ALDH1L1: variants seen among roughly 807,000 people sequenced by gnomAD.
The protein encoded by ALDH1L1 is aldehyde dehydrogenase 1 family member L1.
ALDH1L1 carries 68 observed loss-of-function variants against 101.1 expected under a neutral mutation model. That is an observed-to-expected ratio of 0.67 (90% CI 0.55 to 0.82). The LOEUF is 0.82. Ranked by LOEUF, ALDH1L1 falls within the 40% of genes least tolerant of loss-of-function variation. ALDH1L1 has a pLI of 0.00. For synonymous variants in ALDH1L1, 486 were observed against 470.8 expected, an observed-to-expected ratio of 1.03 and a Z score of -0.42; for missense variants, 1,087 against 1,172.7, an observed-to-expected ratio of 0.93 and a Z score of 1.07.
intron 17 of ALDH1L1, 80 bp from the exon 18 acceptor site, chr3:126,114,736 G>C: frequency 7.5e-7 from 1 of 1,333,480 alleles, no homozygotes. Flanking sequence ...CAGGGACCTG[G>C]GTAGGCCCAA....
intron 14 of ALDH1L1, 29 bp from the exon 15 acceptor site, chr3:126,125,750 CCTT>C (rs1288407690): frequency 8.8e-6 from 13 of 1,470,626 alleles, no homozygotes; most frequent in Admixed American, 6.3e-5. Context: ...TGGCCTTTGT[CCTT>C]CTTCTCCACC....
At position 126,157,411 on chromosome 3, in the gene ALDH1L1, C is replaced by T; in HGVS notation, c.460G>A (p.Val154Met). ...GDLLLQKECE[V>M]LPDDTVSTLY... ...GTGCTCACGGTGTCGTCCGGGAGCA[C>T]CTCACACTCCTTCTGCAGCAGCAGG... The change falls in exon 4 of 23, where the codon GTG becomes ATG. Residue 154 changes from valine (V) to methionine (M), a missense_variant. By Grantham distance (21) the Val-to-Met change is conservative. Transcript: ENST00000393434. 2 of 1,614,082 alleles carry T rather than the reference C, an allele frequency of 1.2e-6. No homozygotes were observed. The highest frequency in any genetic ancestry group is 1.7e-6 in the Non-Finnish European group (2 of 1,180,014).
At chr3:126,185,995 G>C (rs1395487700), upstream of ALDH1L1, among the ~76,000 whole-genome samples, 1 of 152,066 alleles carries the variant, frequency 6.6e-6, no homozygotes, top group East Asian at 1.9e-4. Context: ...TGTTCATAGA[G>C]ACAGAAAGTG....
chr3:126,132,906 G>T (rs115030105), intron 12 of ALDH1L1, among the ~76,000 whole-genome samples: 3 of 152,218 alleles, frequency 2.0e-5, no homozygotes, highest in African/African-American at 7.2e-5. Context: ...CTCAGCTCAG[G>T]TTTGCTGCAT....
In ALDH1L1 at chr3:126,195,084, C is replaced by T. The variant is rs116700657; in HGVS notation, c.-24+2651G>A. Among the ~76,000 whole-genome samples, 620 of 151,872 alleles carry T rather than the reference C, an allele frequency of 4.1e-3. 7 individuals carry two copies. Among genetic ancestry groups the T allele is most frequent in the African/African-American group, 0.014 (600 of 41,420 alleles). On this transcript the variant is annotated intron_variant, in intron 1 of 2. Coordinates refer to the ALDH1L1 transcript ENST00000509952. ...TTTCTGTATAACCTTCTTTGCATAG[C>T]CAAGATGCATGGCTAATTCCACATG...
intron 4 of ALDH1L1, 172 bp from the exon 5 acceptor site, chr3:126,155,675 CT>C (rs1486523916): frequency 1.1e-5 from 6 of 544,612 alleles, no homozygotes; most frequent in Non-Finnish European, 1.9e-5. Flanking sequence ...GTGAACCTAA[CT>C]TCTATTGCAC....
intron 15 of ALDH1L1, 21 bp downstream of exon 15, chr3:126,125,595 C>T: frequency 4.0e-6 from 6 of 1,510,860 alleles, no homozygotes; most frequent in Non-Finnish European, 5.3e-6. Flanking sequence ...CAGGCCCTGT[C>T]CAGAGTGAAC....
chr3:126,149,830 G>C (rs1296627507), intron 8 of ALDH1L1, among the ~76,000 whole-genome samples: 1 of 152,188 alleles, frequency 6.6e-6, no homozygotes, highest in Non-Finnish European at 1.5e-5. Context: ...TCTTCCCCCA[G>C]ATCTCTTCTC....
upstream of ALDH1L1, among the ~76,000 whole-genome samples, chr3:126,182,250 G>A (rs768756826): frequency 3.9e-5 from 6 of 152,042 alleles, no homozygotes; most frequent in Non-Finnish European, 8.8e-5. Context: ...AGGTTCAAGC[G>A]ATTCTCCTGC....
intron 18 of ALDH1L1, among the ~76,000 whole-genome samples, chr3:126,113,591 C>A (rs1044755399): frequency 6.6e-6 from 1 of 152,238 alleles, no homozygotes; most frequent in Non-Finnish European, 1.5e-5. Context: ...CCAGCTAGAT[C>A]CCCGTGCTGA....
At chr3:126,154,372 G>A (rs1374820364) in intron 6 of ALDH1L1, among the ~76,000 whole-genome samples, 182 bp downstream of exon 6, 1 of 152,234 alleles carries the variant, frequency 6.6e-6, no homozygotes, top group Non-Finnish European at 1.5e-5. Context: ...TTTAGCTACT[G>A]CAGGCTGGGT....
At chr3:126,197,154 T>A (rs185927112) in intron 1 of ALDH1L1, among the ~76,000 whole-genome samples, 8 of 152,292 alleles carry the variant, frequency 5.3e-5, no homozygotes, top group African/African-American at 1.9e-4. Context: ...AGAAAAAAAA[T>A]TAATGCACTC....
intron 1 of ALDH1L1, among the ~76,000 whole-genome samples, chr3:126,194,988 T>C (rs1434111535): frequency 6.6e-6 from 1 of 152,002 alleles, no homozygotes; most frequent in African/African-American, 2.4e-5. Flanking sequence ...CATCCCTCTT[T>C]TTAAACAACT....
At chr3:126,195,188 C>T (rs930651825) in intron 1 of ALDH1L1, among the ~76,000 whole-genome samples, 3 of 152,068 alleles carry the variant, frequency 2.0e-5, no homozygotes, top group Non-Finnish European at 4.4e-5. Context: ...AGTTTATAAC[C>T]TTAAAGCATT....
chr3:126,146,796 C>G (rs1173224477), intron 9 of ALDH1L1, 39 bp downstream of exon 9: 1 of 1,600,418 alleles, frequency 6.2e-7, no homozygotes, highest in Non-Finnish European at 8.5e-7. Flanking sequence ...GACACAGCAC[C>G]AAGTACCTGG....
chr3:126,139,017 C>T (rs1218233737), intron 9 of ALDH1L1, among the ~76,000 whole-genome samples: 3 of 152,246 alleles, frequency 2.0e-5, no homozygotes, highest in African/African-American at 7.2e-5. Flanking sequence ...CACCTCCCAC[C>T]TCTGCCACAA....
At chr3:126,158,802 C>T (rs1333300556) in intron 2 of ALDH1L1, among the ~76,000 whole-genome samples, 163 bp from the exon 3 acceptor site, 1 of 152,218 alleles carries the variant, frequency 6.6e-6, no homozygotes, top group African/African-American at 2.4e-5. Flanking sequence ...ATGCACCAGC[C>T]AAGCATGAGG....
chr3:126,107,293 G>T, intron 20 of ALDH1L1, 47 bp from the exon 21 acceptor site: 1 of 1,494,140 alleles, frequency 6.7e-7, no homozygotes, highest in Non-Finnish European at 9.3e-7. Context: ...CACGGTGCCC[G>T]ATGGTCCAGC....
chr3:126,119,141 G>A (rs1372195552), intron 16 of ALDH1L1, among the ~76,000 whole-genome samples: 1 of 152,000 alleles, frequency 6.6e-6, no homozygotes, highest in Non-Finnish European at 1.5e-5. Context: ...TCTGTACCAG[G>A]CCCTCTTCTC....
Sources: allele counts gnomAD v4.1 joint callset (sites outside exome capture counted in the v4.1 genomes callset), GRCh38; gene constraint gnomAD v4.1.1; transcripts MANE v1.5; gene names NCBI Gene and HGNC (gene_info 2026-07-23, HGNC 2026-07-21).